MACROD2: variants seen among roughly 807,000 people sequenced by gnomAD.
MACROD2 encodes the protein mono-ADP ribosylhydrolase 2.
In MACROD2, 36 loss-of-function variants were observed where a neutral mutation model predicts 70.4. The observed-to-expected ratio is 0.51, with a 90% confidence interval of 0.39 to 0.68. MACROD2 has a LOEUF of 0.68. Among genes scored for constraint, MACROD2 ranks in the 30% least tolerant of loss-of-function variants. The probability of loss-of-function intolerance (pLI) is 0.00; values close to 1 mark genes in which losing one functional copy is unlikely to be tolerated. For synonymous variants in MACROD2, 172 were observed against 178.8 expected, an observed-to-expected ratio of 0.96 and a Z score of 0.30; for missense variants, 496 against 538.4, an observed-to-expected ratio of 0.92 and a Z score of 0.78.
intron 5 of MACROD2, among the ~76,000 whole-genome samples, chr20:15,021,244 GTGTA>G (rs140900786): frequency 0.08 from 869 of 10,906 alleles, 193 homozygotes; most frequent in African/African-American, 0.3. Flanking sequence ...ACACACCTGT[GTGTA>G]TGTATACACA....
intron 6 of MACROD2, among the ~76,000 whole-genome samples, chr20:15,317,285 C>T (rs190655410): frequency 2.2e-3 from 339 of 151,958 alleles, no homozygotes; most frequent in African/African-American, 7.8e-3. Flanking sequence ...CCTGACTAAA[C>T]GAAAATGGTG....
chr20:16,015,689 A>G (rs1242048441), intron 15 of MACROD2, among the ~76,000 whole-genome samples: 2 of 152,132 alleles, frequency 1.3e-5, no homozygotes, highest in East Asian at 1.9e-4. Context: ...TTTCATTTAT[A>G]TAAACTTTTA....
At chr20:15,053,060 G>A (rs2075455320) in intron 5 of MACROD2, among the ~76,000 whole-genome samples, 1 of 152,184 alleles carries the variant, frequency 6.6e-6, no homozygotes, top group African/African-American at 2.4e-5. Flanking sequence ...GTTTGAGAAA[G>A]CTGAAGAAGC....
At chr20:15,016,298 G>A (rs1283964242) in intron 5 of MACROD2, among the ~76,000 whole-genome samples, 5 of 152,100 alleles carry the variant, frequency 3.3e-5, no homozygotes, top group African/African-American at 1.2e-4. Context: ...TCACTTCTCG[G>A]TCTAGATGAC....
At chr20:14,610,070 C>T (rs1225462391) in intron 4 of MACROD2, among the ~76,000 whole-genome samples, 1 of 152,056 alleles carries the variant, frequency 6.6e-6, no homozygotes, top group Non-Finnish European at 1.5e-5. Flanking sequence ...TAACCAGATC[C>T]AAATGTTCTG....
At chr20:14,740,361 C>G (rs1183182728) in intron 5 of MACROD2, among the ~76,000 whole-genome samples, 2 of 152,150 alleles carry the variant, frequency 1.3e-5, no homozygotes, top group African/African-American at 4.8e-5. Flanking sequence ...TGCTATTTCT[C>G]TATCACCCTA....
chr20:14,456,748 T>G (rs2084307223), intron 3 of MACROD2, among the ~76,000 whole-genome samples: 1 of 137,696 alleles, frequency 7.3e-6, no homozygotes, highest in Admixed American at 7.7e-5. Context: ...ACTGAGTCTC[T>G]CTCTGTCACC....
chr20:15,106,663 GA>G (rs2075912961), intron 5 of MACROD2, among the ~76,000 whole-genome samples: 1 of 152,122 alleles, frequency 6.6e-6, no homozygotes, highest in African/African-American at 2.4e-5. Context: ...CATCACCCCA[GA>G]TAGTGGTTCT....
At chr20:15,137,598 T>C (rs2076159557) in intron 5 of MACROD2, among the ~76,000 whole-genome samples, 1 of 148,218 alleles carries the variant, frequency 6.7e-6, no homozygotes, top group Non-Finnish European at 1.5e-5. Context: ...TTAGGAGATA[T>C]ACCTAATGCT....
At chr20:15,535,017 G>T (rs182987732) in intron 8 of MACROD2, among the ~76,000 whole-genome samples, 1 of 151,868 alleles carries the variant, frequency 6.6e-6, no homozygotes, top group Non-Finnish European at 1.5e-5. Flanking sequence ...ACTCTGTCAC[G>T]CAGGCTGAAA....
chr20:14,886,767 T>C (rs1412894715), intron 5 of MACROD2, among the ~76,000 whole-genome samples: 1 of 152,148 alleles, frequency 6.6e-6, no homozygotes, highest in Non-Finnish European at 1.5e-5. Flanking sequence ...CTACAACTTC[T>C]TTATATTGGT....
At chr20:14,684,656 C>T (rs60754207) in intron 4 of MACROD2, among the ~76,000 whole-genome samples, 187 bp from the exon 5 acceptor site, 42 of 113,346 alleles carry the variant, frequency 3.7e-4, no homozygotes, top group East Asian at 2.2e-3. Flanking sequence ...TCACCCCCCC[C>T]CCCCGGCCCC....
At chr20:14,022,195 C>T (rs529536058) in intron 2 of MACROD2, among the ~76,000 whole-genome samples, 37 of 152,270 alleles carry the variant, frequency 2.4e-4, no homozygotes, top group African/African-American at 8.7e-4. Context: ...GTAAGATACA[C>T]ATTTTATATT....
At chr20:14,628,393 G>GAAAA (rs1308616695) in intron 4 of MACROD2, among the ~76,000 whole-genome samples, 4 of 152,092 alleles carry the variant, frequency 2.6e-5, no homozygotes, top group Admixed American at 1.3e-4. Context: ...CAGAGGACAT[G>GAAAA]AAAAAAATAA....
chr20:15,364,825 G>A (rs577499789), intron 6 of MACROD2, among the ~76,000 whole-genome samples: 2 of 152,206 alleles, frequency 1.3e-5, no homozygotes, highest in Non-Finnish European at 2.9e-5. Flanking sequence ...GGTTGTGAAA[G>A]CATTACCCTC....
In MACROD2 at chr20:15,990,215, A is replaced by G. The variant is rs1374278814; in HGVS notation, c.1153+3057A>G. ...GATTTCCCAGCAGGACCTGCAACAC[A>G]TATGAAATCCAGTCGAATAACGTCA... is the stretch of plus-strand genomic sequence containing the variant. On this transcript the variant is annotated intron_variant, in intron 15 of 17. Coordinates refer to ENST00000684519, the MANE Select transcript of MACROD2 (RefSeq NM_001351661.2). Among the ~76,000 whole-genome samples the G allele has an allele frequency of 2.6e-5, 4 of 152,306 alleles. No individual in the cohort carries two copies. The East Asian group carries it at 5.8e-4, about 22-fold the overall frequency.
chr20:15,921,120 C>T (rs1425076300), intron 10 of MACROD2, among the ~76,000 whole-genome samples: 1 of 152,084 alleles, frequency 6.6e-6, no homozygotes, highest in African/African-American at 2.4e-5. Context: ...CCATGGCTCC[C>T]AGCTGCCCCC....
intron 6 of MACROD2, among the ~76,000 whole-genome samples, chr20:15,356,099 C>A (rs2078284382): frequency 6.6e-6 from 1 of 152,050 alleles, no homozygotes; most frequent in South Asian, 2.1e-4. Context: ...TTTCTTTGAG[C>A]ATGGCTTACA....
intron 8 of MACROD2, among the ~76,000 whole-genome samples, chr20:15,789,398 T>A (rs1309446061): frequency 6.6e-6 from 1 of 152,154 alleles, no homozygotes; most frequent in Non-Finnish European, 1.5e-5. Flanking sequence ...CTGGTCAACA[T>A]TCATATCAGG....
Sources: allele counts gnomAD v4.1 joint callset (sites outside exome capture counted in the v4.1 genomes callset), GRCh38; gene constraint gnomAD v4.1.1; transcripts MANE v1.5; gene names NCBI Gene and HGNC (gene_info 2026-07-23, HGNC 2026-07-21).